Variants in ST8SIA6 observed in about 807,000 individuals in gnomAD.
ST8SIA6 encodes the protein alpha-2,8-sialyltransferase 8F.
Under a neutral mutation model 33.6 loss-of-function variants are expected in ST8SIA6, and 39 were observed. That is an observed-to-expected ratio of 1.16 (90% CI 0.90 to 1.52). The LOEUF (loss-of-function observed/expected upper bound fraction) is 1.52. Among genes scored for constraint, ST8SIA6 ranks in the 40% most tolerant of loss-of-function variants. The pLI, the probability that ST8SIA6 is intolerant of heterozygous loss-of-function variation, is 0.00. For missense variants in ST8SIA6, 441 were observed against 443.8 expected, an observed-to-expected ratio of 0.99 and a Z score of 0.06; for synonymous variants, 172 against 167.2, an observed-to-expected ratio of 1.03 and a Z score of -0.22.
intron 5 of ST8SIA6, among the ~76,000 whole-genome samples, chr10:17,330,230 A>G (rs1448428778): frequency 6.6e-6 from 1 of 152,208 alleles, no homozygotes; most frequent in Non-Finnish European, 1.5e-5. Context: ...TAATCCTTTC[A>G]AAGTGCCAAA....
intron 2 of ST8SIA6, among the ~76,000 whole-genome samples, chr10:17,445,359 A>G (rs1407793892): frequency 6.6e-6 from 1 of 152,224 alleles, no homozygotes; most frequent in African/African-American, 2.4e-5. Flanking sequence ...GTGGCAACAG[A>G]TCAGCTGCTT....
At chr10:17,400,914 T>G (rs937420750) in intron 2 of ST8SIA6, among the ~76,000 whole-genome samples, 1 of 152,200 alleles carries the variant, frequency 6.6e-6, no homozygotes, top group South Asian at 2.1e-4. Context: ...AACAAAGTGT[T>G]GGAAGTTCTG....
chr10:17,376,789 A>C (rs1849929742), intron 3 of ST8SIA6, among the ~76,000 whole-genome samples: 2 of 152,332 alleles, frequency 1.3e-5, no homozygotes, highest in African/African-American at 4.8e-5. Flanking sequence ...ACCTACTAGA[A>C]AGAATAGAGC....
intron 4 of ST8SIA6, among the ~76,000 whole-genome samples, chr10:17,355,161 G>C (rs776889607): frequency 1.3e-5 from 2 of 152,158 alleles, no homozygotes; most frequent in East Asian, 3.9e-4. Context: ...TTTTTTGAGA[G>C]AATTCATTTT....
At chr10:17,364,864 A>C (rs1345439195) in intron 3 of ST8SIA6, among the ~76,000 whole-genome samples, 3 of 152,230 alleles carry the variant, frequency 2.0e-5, no homozygotes, top group African/African-American at 7.2e-5. Context: ...ATCTCACCCC[A>C]AAATCTTGGG....
chr10:17,449,184 CAT>C (rs1293787300), intron 2 of ST8SIA6, among the ~76,000 whole-genome samples: 1 of 151,132 alleles, frequency 6.6e-6, no homozygotes, highest in Non-Finnish European at 1.5e-5. Context: ...GGAAAAATAA[CAT>C]AAATAAATCA....
intron 2 of ST8SIA6, among the ~76,000 whole-genome samples, chr10:17,401,467 T>C (rs1049112558): frequency 1.3e-5 from 2 of 152,142 alleles, no homozygotes; most frequent in African/African-American, 4.8e-5. Context: ...GAGCCCGCAT[T>C]GCCAAGACAA....
chr10:17,340,181 C>G (rs143539942), intron 4 of ST8SIA6, among the ~76,000 whole-genome samples: 1 of 152,170 alleles, frequency 6.6e-6, no homozygotes. Flanking sequence ...TTAACTTCCT[C>G]GTTCTCTTCG....
At chr10:17,396,929 A>T (rs759211012) in intron 2 of ST8SIA6, among the ~76,000 whole-genome samples, 2 of 152,206 alleles carry the variant, frequency 1.3e-5, no homozygotes, top group Non-Finnish European at 2.9e-5. Context: ...CTCACTTAGT[A>T]CCTGGCTTCC....
chr10:17,362,822 C>G (rs1385922382), intron 3 of ST8SIA6, among the ~76,000 whole-genome samples: 1 of 152,120 alleles, frequency 6.6e-6, no homozygotes, highest in Non-Finnish European at 1.5e-5. Flanking sequence ...AGCTATTCTC[C>G]TGCCTCAGCC....
chr10:17,322,224 AAGAAAGAAAAAGAAAG>A (rs1847980855), intron 7 of ST8SIA6, among the ~76,000 whole-genome samples: 1 of 131,080 alleles, frequency 7.6e-6, no homozygotes, highest in South Asian at 2.6e-4. Context: ...AAAGAAAAGA[AAGAAAGAAAAAGAAAG>A]AGAAAAAGAA....
chr10:17,402,670 A>G (rs1204202199), intron 2 of ST8SIA6, among the ~76,000 whole-genome samples: 1 of 152,176 alleles, frequency 6.6e-6, no homozygotes, highest in Non-Finnish European at 1.5e-5. Context: ...AAACTATCGC[A>G]AGAACAAAAA....
intron 3 of ST8SIA6, among the ~76,000 whole-genome samples, chr10:17,377,184 C>A (rs942062481): frequency 6.6e-6 from 1 of 152,116 alleles, no homozygotes. Flanking sequence ...CAGGAGCTCC[C>A]CACTGAGCAC....
intron 2 of ST8SIA6, among the ~76,000 whole-genome samples, chr10:17,443,332 A>G (rs987243236): frequency 6.6e-6 from 1 of 152,256 alleles, no homozygotes; most frequent in Non-Finnish European, 1.5e-5. Context: ...TGGAATCCAA[A>G]TGCAGCTTCT....
chr10:17,351,490 A>G (rs1849028010), intron 4 of ST8SIA6, among the ~76,000 whole-genome samples: 1 of 146,994 alleles, frequency 6.8e-6, no homozygotes, highest in Admixed American at 7.0e-5. Flanking sequence ...ATCACATACT[A>G]GATGAAACCC....
At chr10:17,438,393 C>A (rs1852358544) in intron 2 of ST8SIA6, among the ~76,000 whole-genome samples, 1 of 152,100 alleles carries the variant, frequency 6.6e-6, no homozygotes, top group South Asian at 2.1e-4. Context: ...CAATATAGCT[C>A]CTAGCTCTGG....
intron 2 of ST8SIA6, among the ~76,000 whole-genome samples, chr10:17,400,391 G>A (rs1215703872): frequency 6.6e-6 from 1 of 152,178 alleles, no homozygotes; most frequent in Non-Finnish European, 1.5e-5. Context: ...ACTTAGCCAG[G>A]CGTGGTGGCA....
chr10:17,426,163 C>G (rs1851933424), intron 2 of ST8SIA6, among the ~76,000 whole-genome samples: 1 of 152,164 alleles, frequency 6.6e-6, no homozygotes, highest in African/African-American at 2.4e-5. Context: ...ACTCTGTTCC[C>G]AAGTGCTGGT....
At chr10:17,336,719 G>A (rs1245713516) in intron 4 of ST8SIA6, among the ~76,000 whole-genome samples, 3 of 149,544 alleles carry the variant, frequency 2.0e-5, no homozygotes, top group South Asian at 2.1e-4. Context: ...TCAGCCTCCC[G>A]AATAGATGTG....
Sources: gnomAD v4.1 joint callset for allele counts (sites outside exome capture counted in the v4.1 genomes callset) on GRCh38, gnomAD v4.1.1 for gene constraint, MANE v1.5 for transcripts, NCBI Gene and HGNC (gene_info 2026-07-23, HGNC 2026-07-21) for gene names.